The following RIC3 variants were observed in gnomAD, a reference collection of about 807,000 sequenced individuals.
RIC3 encodes the protein RIC3 acetylcholine receptor chaperone, also known as protein RIC-3.
A neutral mutation model predicts 27.3 loss-of-function variants in RIC3; 28 were observed. The ratio of observed to expected loss-of-function variants is 1.02; its 90% CI spans 0.76 to 1.41. The LOEUF is 1.41. RIC3 is among the 40% of genes most tolerant of loss of function. The pLI is 0.00. For missense variants in RIC3, 501 were observed against 444.7 expected (o/e 1.13, Z -1.14); for synonymous variants, 184 against 160.4 (o/e 1.15, Z -1.11).
At chr11:8,129,988 C>T (rs1565015727) in intron 4 of RIC3, among the ~76,000 whole-genome samples, 1 of 152,226 alleles carries the variant, frequency 6.6e-6, no homozygotes, top group Non-Finnish European at 1.5e-5. Context: ...GCCTTATGTA[C>T]TTTCCCTTCT....
At chr11:8,168,752 G>T (rs773327816) in intron 1 of RIC3, 114 bp downstream of exon 1, 6 of 1,428,668 alleles carry the variant, frequency 4.2e-6, no homozygotes, top group Non-Finnish European at 5.6e-6. Context: ...TCTCCAGTCA[G>T]TTTGGTGGAT....
chr11:8,138,515 A>T (rs144787967), intron 2 of RIC3, 168 bp from the exon 3 acceptor site: 2 of 525,334 alleles, frequency 3.8e-6, no homozygotes, highest in South Asian at 6.4e-5. Flanking sequence ...CCAAAAGATG[A>T]GGTTTCCAAG....
chr11:8,128,309 G>A, intron 4 of RIC3: 1 of 456,634 alleles, frequency 2.2e-6, no homozygotes. Flanking sequence ...GAATGAAACA[G>A]TCTTAATTCT....
chr11:8,139,724 G>C (rs539875272), intron 2 of RIC3: 1 of 327,582 alleles, frequency 3.1e-6, no homozygotes, highest in South Asian at 3.6e-5. Flanking sequence ...CCATGTTCAA[G>C]TCCTAGTTCT....
chr11:8,147,639 A>G (rs1949833787), intron 1 of RIC3, among the ~76,000 whole-genome samples: 1 of 151,920 alleles, frequency 6.6e-6, no homozygotes. Context: ...GCTAGATTAT[A>G]TGGGGTGAAA....
chr11:8,137,281 C>T, intron 4 of RIC3, 97 bp downstream of exon 4: 1 of 1,051,168 alleles, frequency 9.5e-7, no homozygotes. Context: ...ACCTCGGCCT[C>T]CCAAAGTGCT....
intron 1 of RIC3, among the ~76,000 whole-genome samples, chr11:8,144,571 C>T (rs1414188896): frequency 6.6e-6 from 1 of 151,060 alleles, no homozygotes; most frequent in African/African-American, 2.4e-5. Context: ...AACACTTTTA[C>T]ACTGTTGGTG....
chr11:8,147,884 C>T (rs903198395), intron 1 of RIC3, among the ~76,000 whole-genome samples: 7 of 152,006 alleles, frequency 4.6e-5, no homozygotes, highest in Admixed American at 6.6e-5. Context: ...TGTGCCACCA[C>T]GCCCAACTAA....
chr11:8,124,985 GGCT>G (rs1027288360), intron 5 of RIC3, among the ~76,000 whole-genome samples: 29 of 152,188 alleles, frequency 1.9e-4, no homozygotes, highest in African/African-American at 6.7e-4. Flanking sequence ...TGGGCACGGC[GGCT>G]CACACCTGTA....
At chr11:8,123,577 T>G (rs1332493428) in intron 5 of RIC3, among the ~76,000 whole-genome samples, 2 of 152,114 alleles carry the variant, frequency 1.3e-5, no homozygotes, top group Non-Finnish European at 2.9e-5. Flanking sequence ...AATGGATAAT[T>G]AGACTATATT....
chr11:8,155,111 C>T (rs141627930), intron 1 of RIC3, among the ~76,000 whole-genome samples: 5 of 151,192 alleles, frequency 3.3e-5, no homozygotes, highest in African/African-American at 9.7e-5. Context: ...GTCCCAGCTA[C>T]TCAGGAGGCT....
intron 5 of RIC3, among the ~76,000 whole-genome samples, chr11:8,123,140 C>T (rs1160926493): frequency 5.3e-5 from 8 of 151,144 alleles, no homozygotes; most frequent in African/African-American, 1.7e-4. Context: ...AAGAAGACAT[C>T]AATAAACCTG....
In RIC3 at chr11:8,169,025, C is replaced by T. The variant is rs1952036598; in HGVS notation, c.-36G>A. 1 of 1,511,740 alleles carries T rather than the reference C, an allele frequency of 6.6e-7. No individual in the cohort carries two copies. The highest frequency in any genetic ancestry group is 8.8e-7 in the Non-Finnish European group (1 of 1,139,658). The allele number at this position is 1,511,740 out of a possible 1,614,324, so 93.6% of individuals were successfully genotyped here. On this transcript the variant is annotated 5_prime_UTR_variant, in exon 1 of 6. Transcript: ENST00000309737. The stretch of plus-strand genomic sequence containing the variant: ...GGTGGTCGCAGGTGCAGACGCCAGC[C>T]GGAACCGGAACCGGAACCGGAGCAC...
chr11:8,104,865 G>A (rs188605519), downstream of RIC3: 1 of 151,562 alleles, frequency 6.6e-6, no homozygotes, highest in African/African-American at 2.4e-5. Flanking sequence ...GAAGCTATAA[G>A]AGAACTTTCG....
In RIC3 at chr11:8,140,115, T is replaced by C; in HGVS notation, c.203A>G (p.Gln68Arg). 1 of 1,614,104 alleles carries C rather than the reference T, an allele frequency of 6.2e-7. No homozygotes were observed. The highest frequency in any genetic ancestry group is 8.5e-7 in the Non-Finnish European group (1 of 1,180,006). Residue 68 changes from glutamine (Q) to arginine (R), a missense_variant, in exon 2 of 6, where the codon CAG becomes CGG. By Grantham distance (43) the Gln-to-Arg change is conservative. Coordinates refer to ENST00000309737, the MANE Select transcript of RIC3 (RefSeq NM_001206671.4). ...SDGQTPGARFQRSHLAEAFAK... is the reference protein window; with the variant it reads ...SDGQTPGARFRRSHLAEAFAK... ...AAATGCCTCGGCAAGGTGAGACCTC[T>C]GGAAACGAGCCCCAGGAGTCTGGCC...
downstream of RIC3, chr11:8,104,305 CA>C (rs1354909602): frequency 2.6e-5 from 4 of 152,178 alleles, no homozygotes; most frequent in Non-Finnish European, 5.9e-5. Context: ...GGCCACACCC[CA>C]AAACTCTACA....
At chr11:8,151,606 T>TA (rs1950238334) in intron 1 of RIC3, among the ~76,000 whole-genome samples, 1 of 99,722 alleles carries the variant, frequency 1.0e-5, no homozygotes. Flanking sequence ...AAAAGACAAA[T>TA]AAACCAAGTA....
intron 4 of RIC3, among the ~76,000 whole-genome samples, chr11:8,128,831 T>C (rs962287761): frequency 6.3e-5 from 9 of 142,560 alleles, no homozygotes; most frequent in African/African-American, 2.1e-4. Flanking sequence ...CTCAGCTCAC[T>C]GCAAGCTCCG....
chr11:8,137,647 C>T (rs531886316), intron 3 of RIC3, among the ~76,000 whole-genome samples, 176 bp from the exon 4 acceptor site: 1 of 152,292 alleles, frequency 6.6e-6, no homozygotes, highest in African/African-American at 2.4e-5. Flanking sequence ...AAAAAGGATG[C>T]AAAGTGTGAC....
Sources: allele counts gnomAD v4.1 joint callset (sites outside exome capture counted in the v4.1 genomes callset), GRCh38; gene constraint gnomAD v4.1.1; transcripts MANE v1.5; gene names NCBI Gene and HGNC (gene_info 2026-07-23, HGNC 2026-07-21).